RPS6KA5: variants seen among roughly 807,000 people sequenced by gnomAD.
The protein encoded by RPS6KA5 is ribosomal protein S6 kinase alpha-5.
In RPS6KA5, 27 loss-of-function variants were observed where a neutral mutation model predicts 85.5. The ratio of observed to expected loss-of-function variants is 0.32; its 90% CI spans 0.23 to 0.44. The LOEUF (loss-of-function observed/expected upper bound fraction) is 0.44. RPS6KA5 is among the 20% of genes least tolerant of loss of function. The pLI is 1.00. For missense variants in RPS6KA5, 811 were observed against 980.9 expected (o/e 0.83, Z 2.31); for synonymous variants, 334 against 348.2 (o/e 0.96, Z 0.46).
At chr14:90,918,565 G>A (rs919938533) in intron 7 of RPS6KA5, among the ~76,000 whole-genome samples, 1 of 152,136 alleles carries the variant, frequency 6.6e-6, no homozygotes, top group African/African-American at 2.4e-5. Flanking sequence ...TGCACTTTTT[G>A]TGTCATATCT....
intron 14 of RPS6KA5, among the ~76,000 whole-genome samples, chr14:90,878,197 G>A (rs1165722370): frequency 2.6e-5 from 4 of 152,262 alleles, no homozygotes; most frequent in East Asian, 1.9e-4. Flanking sequence ...TGAACCTTGC[G>A]TAGTGCCAGA....
chr14:90,881,318 G>C (rs1371181552), intron 14 of RPS6KA5, among the ~76,000 whole-genome samples: 1 of 151,056 alleles, frequency 6.6e-6, no homozygotes, highest in African/African-American at 2.4e-5. Flanking sequence ...GGGTGTCATG[G>C]TATATGCGCC....
chr14:91,040,786 G>T (rs1305057656), intron 1 of RPS6KA5, among the ~76,000 whole-genome samples: 3 of 152,190 alleles, frequency 2.0e-5, no homozygotes, highest in Non-Finnish European at 4.4e-5. Flanking sequence ...TTGTCACTGG[G>T]CAAGGGGAGG....
At chr14:90,891,861 G>T (rs1338934794) in intron 13 of RPS6KA5, among the ~76,000 whole-genome samples, 2 of 152,182 alleles carry the variant, frequency 1.3e-5, no homozygotes, top group Non-Finnish European at 2.9e-5. Context: ...GAGCTCCTTT[G>T]CAGTGTAAGG....
At chr14:90,978,559 A>G (rs769246201) in intron 2 of RPS6KA5, 35 bp from the exon 3 acceptor site, 2 of 1,486,504 alleles carry the variant, frequency 1.3e-6, no homozygotes, top group Non-Finnish European at 1.8e-6. Context: ...AAGAATTAAA[A>G]TGCTACACAG....
intron 14 of RPS6KA5, among the ~76,000 whole-genome samples, chr14:90,881,031 C>G (rs1472077138): frequency 6.6e-6 from 1 of 151,888 alleles, no homozygotes; most frequent in Non-Finnish European, 1.5e-5. Context: ...AATGAGGTCT[C>G]ACTATGTTGT....
At chr14:90,915,645 A>G (rs2036079943) in intron 7 of RPS6KA5, among the ~76,000 whole-genome samples, 1 of 152,000 alleles carries the variant, frequency 6.6e-6, no homozygotes, top group African/African-American at 2.4e-5. Flanking sequence ...CATCTCTACT[A>G]AAAATACAAA....
rs573543645 is a variant in RPS6KA5 at position 90,926,039 on chromosome 14, G to C, written c.619-2843C>G. On this transcript the variant is annotated intron_variant, in intron 5 of 16. Coordinates refer to ENST00000614987, the MANE Select transcript of RPS6KA5 (RefSeq NM_004755.4). ...AGGCAATAAAAAAGGCAGACTAAAC[G>C]TATTAGACACAGCTGAAGAAAGACA... Among the ~76,000 whole-genome samples, 3 of 151,912 alleles carry C rather than the reference G, an allele frequency of 2.0e-5. No individual in the cohort carries two copies. The South Asian group carries it at 6.2e-4, about 32-fold the overall frequency.
intron 5 of RPS6KA5, among the ~76,000 whole-genome samples, chr14:90,928,973 T>TA (rs1454570497): frequency 6.6e-6 from 1 of 151,834 alleles, no homozygotes; most frequent in African/African-American, 2.4e-5. Context: ...CAGCAATGTA[T>TA]AAAAAATACA....
intron 2 of RPS6KA5, 55 bp from the exon 3 acceptor site, chr14:90,978,579 T>C: frequency 7.5e-7 from 1 of 1,329,320 alleles, no homozygotes; most frequent in Admixed American, 2.6e-5. Context: ...GGCAAAATGG[T>C]AATTTAGTGC....
intron 1 of RPS6KA5, among the ~76,000 whole-genome samples, chr14:91,008,591 G>A (rs2140628672): frequency 1.3e-5 from 2 of 152,316 alleles, no homozygotes; most frequent in Middle Eastern, 6.8e-3. Flanking sequence ...GGATGGCTGG[G>A]AAATTCTGTA....
chr14:91,013,219 T>C (rs1286142), intron 1 of RPS6KA5, among the ~76,000 whole-genome samples: 2,155 of 152,288 alleles, frequency 0.014, 61 homozygotes, highest in African/African-American at 0.05. Context: ...AGTATATTAA[T>C]TGAACAAACA....
At position 90,866,607 on chromosome 14, in the gene RPS6KA5, C is replaced by T. The variant is rs931709476; in HGVS notation, c.*5467G>A. 1 of 152,118 alleles carries T rather than the reference C, an allele frequency of 6.6e-6. No homozygotes were observed. The allele number at this position is 152,118 out of a possible 1,614,324, so 9.4% of individuals were successfully genotyped here. On this transcript the variant is annotated 3_prime_UTR_variant, in exon 17 of 17. Transcript: ENST00000614987. ...GACAAATTCTTATCTTTATGTAAAA[C>T]TGTGGAAGAGCAGTTACATAGATTG...
chr14:91,040,834 A>G (rs947766711), intron 1 of RPS6KA5, among the ~76,000 whole-genome samples: 1 of 152,210 alleles, frequency 6.6e-6, no homozygotes, highest in African/African-American at 2.4e-5. Flanking sequence ...CTCTACAGAA[A>G]TTAGGTTAGA....
intron 14 of RPS6KA5, 106 bp from the exon 15 acceptor site, chr14:90,875,466 C>T: frequency 1.0e-6 from 1 of 995,624 alleles, no homozygotes; most frequent in Non-Finnish European, 1.5e-6. Context: ...ATTGCTACAA[C>T]TAGCATGATT....
At chr14:90,986,507 T>C (rs1283142632) in intron 2 of RPS6KA5, among the ~76,000 whole-genome samples, 1 of 152,100 alleles carries the variant, frequency 6.6e-6, no homozygotes, top group African/African-American at 2.4e-5. Flanking sequence ...TGCATATTCA[T>C]AAATAATTCT....
chr14:91,059,031 A>G (rs2043467244), intron 1 of RPS6KA5, among the ~76,000 whole-genome samples: 3 of 152,288 alleles, frequency 2.0e-5, no homozygotes, highest in African/African-American at 7.2e-5. Context: ...TGCCTTCACA[A>G]TTAAATAATA....
At chr14:90,928,669 T>G (rs1407533939) in intron 5 of RPS6KA5, among the ~76,000 whole-genome samples, 1 of 149,206 alleles carries the variant, frequency 6.7e-6, no homozygotes, top group Non-Finnish European at 1.5e-5. Context: ...AAATAAAAAC[T>G]CTAAATATAC....
At chr14:91,051,774 C>G (rs1004385681) in intron 1 of RPS6KA5, among the ~76,000 whole-genome samples, 1 of 151,946 alleles carries the variant, frequency 6.6e-6, no homozygotes, top group Non-Finnish European at 1.5e-5. Context: ...CAGGCATGAG[C>G]CACCATGTCT....
Sources: allele counts gnomAD v4.1 joint callset (sites outside exome capture counted in the v4.1 genomes callset), GRCh38; gene constraint gnomAD v4.1.1; transcripts MANE v1.5; gene names NCBI Gene and HGNC (gene_info 2026-07-23, HGNC 2026-07-21).